Variants in DACT1 observed in about 807,000 individuals in gnomAD.
DACT1 encodes dishevelled binding antagonist of beta catenin 1, also known as dapper homolog 1.
DACT1 carries 19 observed loss-of-function variants against 35.3 expected under a neutral mutation model. The ratio of observed to expected loss-of-function variants is 0.54; its 90% CI spans 0.38 to 0.79. The LOEUF is 0.79. DACT1 is among the 30% of genes least tolerant of loss of function. DACT1 has a pLI of 0.00. For synonymous variants in DACT1, 545 were observed against 466.7 expected (o/e 1.17, Z -2.16); for missense variants, 1,143 against 1,057.5 (o/e 1.08, Z -1.12).
chr14:58,638,263 G>T lies in DACT1; in HGVS notation c.61G>T (p.Glu21Ter). The T allele has an allele frequency of 7.3e-7, 1 of 1,367,866 alleles. No homozygotes were observed. The highest frequency in any genetic ancestry group is 9.4e-7 in the Non-Finnish European group (1 of 1,061,506). The allele number at this position is 1,367,866 out of a possible 1,614,324, so 84.7% of individuals were successfully genotyped here. The change falls in exon 1 of 4, where the codon GAG becomes TAG. Residue 21 changes from glutamate (E) to a stop codon, truncating the protein, a stop_gained. Transcript: ENST00000395153. LOFTEE classifies it high-confidence loss of function. Reference sequence around the variant, plus strand: ...GGAGCCTCCGGCGCCGGCCCGAGGCGAGCAGCGCACGGCGGAGCCCGAGGG... The same window carrying T: ...GGAGCCTCCGGCGCCGGCCCGAGGCTAGCAGCGCACGGCGGAGCCCGAGGG... ...ELEPPAPARG[E>*]QRTAEPEGRW...
At chr14:58,639,200 A>G (rs1055236492) in intron 1 of DACT1, 1 of 985,262 alleles carries the variant, frequency 1.0e-6, no homozygotes, top group Admixed American at 6.1e-5. Flanking sequence ...CTCCTCTCAT[A>G]TTTTATACGT....
intron 3 of DACT1, 173 bp from the exon 4 acceptor site, chr14:58,645,196 A>G: frequency 7.2e-7 from 1 of 1,395,704 alleles, no homozygotes; most frequent in East Asian, 2.3e-5. Context: ...AAAATTGGCC[A>G]AAGAGTCAAG....
In DACT1 at chr14:58,638,329, C is replaced by T. The variant is rs1345677289; in HGVS notation, c.127C>T (p.Arg43Cys). 7.6e-7 allele frequency: 1 copy of T among 1,318,600 alleles called. No homozygotes were observed. Among genetic ancestry groups the T allele is most frequent in the Non-Finnish European group, 9.6e-7 (1 of 1,039,524 alleles). The allele number at this position is 1,318,600 out of a possible 1,614,324, so 81.7% of individuals were successfully genotyped here. ...EKGEADTERQ[R>C]TRERQEATLA... is the part of the protein sequence containing the mutation. ...GGGCGAGGCAGACACCGAGCGGCAG[C>T]GCACCCGGGAGCGGCAGGAGGCCAC... Residue 43 changes from arginine (R) to cysteine (C), a missense_variant, in exon 1 of 4, where the codon CGC becomes TGC. Arg to Cys is a radical substitution (Grantham distance 180). Transcript: ENST00000395153.
At chr14:58,644,427 G>A (rs868367426) in intron 3 of DACT1, among the ~76,000 whole-genome samples, 1 of 152,166 alleles carries the variant, frequency 6.6e-6, no homozygotes, top group African/African-American at 2.4e-5. Context: ...GAGAGATGGA[G>A]TCTCACTGTT....
chr14:58,640,667 T>G, intron 1 of DACT1, 69 bp from the exon 2 acceptor site: 1 of 1,588,916 alleles, frequency 6.3e-7, no homozygotes, highest in Non-Finnish European at 8.6e-7. Context: ...ATTTGAATCC[T>G]TAGAGTAGAC....
At position 58,648,120 on chromosome 14, in the gene DACT1, A is replaced by G. The variant is rs986176430; in HGVS notation, c.*986A>G. The G allele has an allele frequency of 6.0e-6, 1 of 167,072 alleles. No individual in the cohort carries two copies. The allele number at this position is 167,072 out of a possible 1,614,324, so 10.3% of individuals were successfully genotyped here. A position where few individuals can be genotyped will look rare whatever the true frequency, so the allele number is the denominator to read the frequency against. The stretch of plus-strand genomic sequence containing the variant: ...AGTATTGTGTAAAATTGCTTTTTGT[A>G]TACCAATATATGCATGTTTTGTGCA... On this transcript the variant is annotated 3_prime_UTR_variant, in exon 4 of 4. Coordinates refer to ENST00000395153, the MANE Select transcript of DACT1 (RefSeq NM_001079520.2).
chr14:58,648,225 G>C lies in DACT1; in HGVS notation c.*1091G>C, dbSNP rs926310305. On this transcript the variant is annotated 3_prime_UTR_variant, in exon 4 of 4. Coordinates refer to ENST00000395153, the MANE Select transcript of DACT1 (RefSeq NM_001079520.2). ...ACAGTATGTGTTTTTATATATCATT[G>C]TGTAAATTTAATATAACATATGCAG... 1 of 166,900 alleles carries C rather than the reference G, an allele frequency of 6.0e-6. No individual in the cohort carries two copies. The highest frequency in any genetic ancestry group is 2.4e-5 in the African/African-American group (1 of 41,366). 10.3% of individuals were successfully genotyped at this position (166,900 alleles called of 1,614,324 possible). A position where few individuals can be genotyped will look rare whatever the true frequency, so the allele number is the denominator to read the frequency against.
intron 3 of DACT1, among the ~76,000 whole-genome samples, chr14:58,644,501 G>A (rs955383575): frequency 6.6e-6 from 1 of 152,160 alleles, no homozygotes; most frequent in Non-Finnish European, 1.5e-5. Context: ...TTGGTGTTAG[G>A]ATTGCAGGCG....
chr14:58,645,892 A>G lies in DACT1; in HGVS notation c.1158A>G (p.Ser386=), dbSNP rs965230880. 6.2e-7 allele frequency: 1 copy of G among 1,614,214 alleles called. No individual in the cohort carries two copies. The highest frequency in any genetic ancestry group is 2.2e-5 in the East Asian group (1 of 44,874). The part of the protein sequence containing the change: ...FSPPKQWSKE[S]KAEQAESKRV... ...CACCGAAGCAGTGGTCGAAAGAATC[A>G]AAGGCCGAACAAGCCGAAAGCAAGA... The change falls in exon 4 of 4, where the codon TCA becomes TCG. Residue 386 remains serine, a synonymous_variant. Coordinates refer to ENST00000395153, the MANE Select transcript of DACT1 (RefSeq NM_001079520.2).
chr14:58,643,250 T>A (rs2047644183), intron 3 of DACT1, among the ~76,000 whole-genome samples: 1 of 152,230 alleles, frequency 6.6e-6, no homozygotes, highest in African/African-American at 2.4e-5. Flanking sequence ...ATCTGCTGAA[T>A]GGCAGGGTTG....
upstream of DACT1, among the ~76,000 whole-genome samples, chr14:58,637,680 AC>A (rs1335703032): frequency 6.6e-6 from 1 of 152,070 alleles, no homozygotes; most frequent in African/African-American, 2.4e-5. Flanking sequence ...GCTTTGGGCG[AC>A]GAGAAAGAGC....
Position 58,645,407 on chromosome 14 carries a change from A to C in DACT1, c.673A>C (p.Asn225His). 1 of 1,614,188 alleles carries C rather than the reference A, an allele frequency of 6.2e-7. No homozygotes were observed. The highest frequency in any genetic ancestry group is 8.5e-7 in the Non-Finnish European group (1 of 1,180,040). ...PKYQCDLVSK[N>H]GNDVYRYPSP... is the part of the protein sequence containing the mutation. The stretch of plus-strand genomic sequence containing the variant: ...GTACCAGTGTGATCTGGTGTCTAAA[A>C]ACGGGAATGATGTATATCGCTATCC... The change falls in exon 4 of 4, where the codon AAC becomes CAC. Residue 225 changes from asparagine to histidine, a missense_variant. Asn to His is a moderately conservative substitution (Grantham distance 68). Transcript: ENST00000395153.
chr14:58,636,739 T>C (rs1047836339), upstream of DACT1, among the ~76,000 whole-genome samples: 1 of 152,116 alleles, frequency 6.6e-6, no homozygotes, highest in African/African-American at 2.4e-5. Flanking sequence ...ACTTGCTGGA[T>C]TGAATTTCCG....
upstream of DACT1, among the ~76,000 whole-genome samples, chr14:58,637,720 C>G (rs946241694): frequency 1.3e-5 from 2 of 148,638 alleles, no homozygotes; most frequent in Non-Finnish European, 3.0e-5. Context: ...AAATCGGGTG[C>G]AGTAAACCCG....
Position 58,647,038 on chromosome 14 carries a change from C to T in DACT1, c.2304C>T (p.Pro768=), listed in dbSNP as rs528782893. ...CGGCCCCAGACCTTCACAACCACCC[C>T]GCAAAAACCTTTGTCAAAATTAAGG... The part of the protein sequence containing the change: ...TVTAPDLHNH[P]AKTFVKIKAS... Residue 768 remains proline, a synonymous_variant, in exon 4 of 4, where the codon CCC becomes CCT. Coordinates refer to ENST00000395153, the MANE Select transcript of DACT1 (RefSeq NM_001079520.2). 30 of 1,614,148 alleles carry T rather than the reference C, an allele frequency of 1.9e-5. 1 individual carries two copies. In the South Asian group the frequency reaches 3.1e-4, roughly 17 times the overall value.
chr14:58,646,938 C>A lies in DACT1; in HGVS notation c.2204C>A (p.Thr735Asn). The part of the protein sequence containing the change: ...SEGEFVGEST[T>N]TSDSEESGGL... The stretch of plus-strand genomic sequence containing the variant: ...GGCGAGTTCGTGGGGGAGAGCACAA[C>A]CACCAGCGACTCTGAAGAAAGCGGG... The change falls in exon 4 of 4, where the codon ACC becomes AAC. Residue 735 changes from threonine to asparagine, a missense_variant. Around this residue, in one of 3 missense-constraint regions of DACT1, gnomAD observed 1,054 missense variants for 958.8 expected, o/e 1.10. Transcript: ENST00000395153. 1 of 1,614,180 alleles carries A rather than the reference C, an allele frequency of 6.2e-7. No individual in the cohort carries two copies. Among genetic ancestry groups the A allele is most frequent in the South Asian group, 1.1e-5 (1 of 91,078 alleles).
At chr14:58,639,389 T>G in intron 1 of DACT1, 2 of 497,354 alleles carry the variant, frequency 4.0e-6, no homozygotes, top group Non-Finnish European at 5.2e-6. Flanking sequence ...CGCCTCAGAA[T>G]AATGGCGACA....
At chr14:58,634,226 G>GT (rs1431145658), upstream of DACT1, 1 of 152,176 alleles carries the variant, frequency 6.6e-6, no homozygotes, top group East Asian at 1.9e-4. Flanking sequence ...GTAGTGTTTG[G>GT]TTGTGCACCA....
chr14:58,646,200 T>TGTCTAC lies in DACT1; in HGVS notation c.1467_1472dup (p.Ser490_Thr491dup). ...GTCCCCCCGGCCACTCCTCCCCTGC[T>TGTCTAC]GTCTACAGCTTTCCCCGTGGAAGAG... On this transcript the variant is annotated inframe_insertion, in exon 4 of 4. Coordinates refer to ENST00000395153, the MANE Select transcript of DACT1 (RefSeq NM_001079520.2). 1 of 1,613,490 alleles carries TGTCTAC rather than the reference T, an allele frequency of 6.2e-7. No individual in the cohort carries two copies. Among genetic ancestry groups the TGTCTAC allele is most frequent in the Non-Finnish European group, 8.5e-7 (1 of 1,179,822 alleles).
Sources: gnomAD v4.1 joint callset for allele counts (sites outside exome capture counted in the v4.1 genomes callset) on GRCh38, gnomAD v4.1.1 for gene constraint, gnomAD v4.1.1 regional missense constraint, MANE v1.5 for transcripts, NCBI Gene and HGNC (gene_info 2026-07-23, HGNC 2026-07-21) for gene names.